The following ANKS1B variants were observed in gnomAD, a reference collection of about 807,000 sequenced individuals.
ANKS1B encodes ankyrin repeat and sterile alpha motif domain-containing protein 1B.
Under a neutral mutation model 148.3 loss-of-function variants are expected in ANKS1B, and 36 were observed. That is an observed-to-expected ratio of 0.24 (90% CI 0.19 to 0.32). The LOEUF is 0.32. ANKS1B is among the 10% of genes least tolerant of loss of function. ANKS1B has a pLI of 1.00. For synonymous variants in ANKS1B, 542 were observed against 560.8 expected (o/e 0.97, Z 0.47); for missense variants, 1,157 against 1,542.6 (o/e 0.75, Z 4.19).
intron 17 of ANKS1B, among the ~76,000 whole-genome samples, chr12:98,870,503 T>C (rs2099654671): frequency 6.6e-6 from 1 of 152,208 alleles, no homozygotes; most frequent in African/African-American, 2.4e-5. Context: ...GCTATTTAAA[T>C]AAACCACCAC....
At chr12:98,886,721 T>C (rs1211862527) in intron 17 of ANKS1B, among the ~76,000 whole-genome samples, 1 of 152,020 alleles carries the variant, frequency 6.6e-6, no homozygotes, top group Non-Finnish European at 1.5e-5. Context: ...AGAAAAAAAA[T>C]CACCTACAAA....
At chr12:99,878,453 A>G (rs4764740) in intron 1 of ANKS1B, among the ~76,000 whole-genome samples, 30,663 of 152,170 alleles carry the variant, frequency 0.2, 3,340 homozygotes, top group Non-Finnish European at 0.25. Flanking sequence ...CTTTTCAAAA[A>G]TCTTTTGTGC....
chr12:99,106,311 T>C (rs946262316), intron 15 of ANKS1B, among the ~76,000 whole-genome samples: 2 of 152,238 alleles, frequency 1.3e-5, no homozygotes, highest in African/African-American at 4.8e-5. Flanking sequence ...AGCTAAAAAG[T>C]CACAGATTAG....
intron 12 of ANKS1B, among the ~76,000 whole-genome samples, chr12:99,309,624 C>T (rs949536260): frequency 6.6e-6 from 1 of 151,998 alleles, no homozygotes; most frequent in African/African-American, 2.4e-5. Flanking sequence ...CACATAAATA[C>T]ATAAATATAC....
chr12:98,919,562 A>G (rs968967274), intron 17 of ANKS1B, among the ~76,000 whole-genome samples: 1 of 152,244 alleles, frequency 6.6e-6, no homozygotes, highest in Admixed American at 6.5e-5. Context: ...CTGATTTACA[A>G]TGGGACACAA....
intron 17 of ANKS1B, among the ~76,000 whole-genome samples, chr12:98,893,138 G>C (rs925740801): frequency 6.6e-6 from 1 of 152,150 alleles, no homozygotes; most frequent in South Asian, 2.1e-4. Flanking sequence ...GCATGCATCT[G>C]TTTTAATTTC....
intron 8 of ANKS1B, among the ~76,000 whole-genome samples, chr12:99,670,668 G>C (rs1199189985): frequency 6.6e-6 from 1 of 152,056 alleles, no homozygotes; most frequent in Non-Finnish European, 1.5e-5. Flanking sequence ...AAGCATTACA[G>C]AGATACTAAA....
chr12:99,102,340 T>C (rs2058139061), intron 15 of ANKS1B, among the ~76,000 whole-genome samples: 1 of 152,134 alleles, frequency 6.6e-6, no homozygotes, highest in African/African-American at 2.4e-5. Flanking sequence ...TTTTGAGAAA[T>C]CTGAATGAGT....
chr12:99,717,304 T>C (rs989256313), intron 8 of ANKS1B, among the ~76,000 whole-genome samples: 5 of 152,136 alleles, frequency 3.3e-5, no homozygotes, highest in African/African-American at 1.2e-4. Flanking sequence ...AATAATAGGG[T>C]AGAGGCAGCC....
rs1222116107 is a variant in ANKS1B at position 99,219,037 on chromosome 12, G to A, written c.2419+25305C>T. On this transcript the variant is annotated intron_variant, in intron 14 of 26. Transcript: ENST00000683438. ...GACACAAATAATCCACAATGTGGAGGTGTCCTGAGAGATCAGATGATTCCT... is the reference window on the plus strand; with the variant it reads ...GACACAAATAATCCACAATGTGGAGATGTCCTGAGAGATCAGATGATTCCT... Among the ~76,000 whole-genome samples, 6 of 152,162 alleles carry A rather than the reference G, an allele frequency of 3.9e-5. No homozygotes were observed. In the East Asian group the frequency reaches 1.2e-3, roughly 29 times the overall value.
chr12:99,639,926 C>T (rs1470451238), intron 9 of ANKS1B, among the ~76,000 whole-genome samples: 9 of 152,186 alleles, frequency 5.9e-5, no homozygotes, highest in Non-Finnish European at 1.5e-5. Context: ...AATCCCAGCA[C>T]TTTGGTAGGC....
At chr12:99,880,866 C>T (rs1372298008) in intron 1 of ANKS1B, among the ~76,000 whole-genome samples, 3 of 152,188 alleles carry the variant, frequency 2.0e-5, no homozygotes, top group Non-Finnish European at 4.4e-5. Context: ...CAAGTGAAAG[C>T]TAAAATGGAG....
intron 7 of ANKS1B, among the ~76,000 whole-genome samples, chr12:99,773,755 A>G (rs2063403933): frequency 6.6e-6 from 1 of 152,146 alleles, no homozygotes; most frequent in African/African-American, 2.4e-5. Flanking sequence ...ACATAAAAAC[A>G]TATTTAACAT....
chr12:98,899,153 C>T (rs1484275652), intron 17 of ANKS1B, among the ~76,000 whole-genome samples: 4 of 152,134 alleles, frequency 2.6e-5, no homozygotes, highest in Non-Finnish European at 5.9e-5. Context: ...AGTTAATCTC[C>T]TGACTTTGGA....
intron 1 of ANKS1B, among the ~76,000 whole-genome samples, chr12:99,922,515 C>T (rs1164329178): frequency 1.3e-5 from 2 of 152,122 alleles, no homozygotes; most frequent in African/African-American, 2.4e-5. Context: ...ACTTAAGGCC[C>T]AAACCACACC....
intron 11 of ANKS1B, among the ~76,000 whole-genome samples, chr12:99,422,620 C>T (rs947986296): frequency 2.6e-5 from 4 of 152,124 alleles, no homozygotes; most frequent in African/African-American, 7.2e-5. Flanking sequence ...GGAAAAGATA[C>T]AGACAGCACA....
chr12:99,249,888 C>T (rs945779758), intron 12 of ANKS1B, among the ~76,000 whole-genome samples: 1 of 152,220 alleles, frequency 6.6e-6, no homozygotes, highest in African/African-American at 2.4e-5. Context: ...GGCTGGCCTG[C>T]TGGATGATGA....
intron 8 of ANKS1B, among the ~76,000 whole-genome samples, chr12:99,672,679 G>A (rs1253610420): frequency 2.6e-5 from 4 of 152,122 alleles, no homozygotes. Flanking sequence ...TCTCCAGTAA[G>A]GTGTGAATCC....
intron 1 of ANKS1B, among the ~76,000 whole-genome samples, chr12:99,977,517 A>T (rs950207391): frequency 6.6e-6 from 1 of 152,226 alleles, no homozygotes; most frequent in African/African-American, 2.4e-5. Context: ...ACAACACTCA[A>T]ATCATAGCAC....
Sources: allele counts gnomAD v4.1 joint callset (sites outside exome capture counted in the v4.1 genomes callset), GRCh38; gene constraint gnomAD v4.1.1; transcripts MANE v1.5; gene names NCBI Gene and HGNC (gene_info 2026-07-23, HGNC 2026-07-21).